Variants in GRM7 observed in about 807,000 individuals in gnomAD.
GRM7 encodes glutamate metabotropic receptor 7, also known as metabotropic glutamate receptor 7.
Under a neutral mutation model 84.5 loss-of-function variants are expected in GRM7, and 35 were observed. That is an observed-to-expected ratio of 0.41 (90% confidence interval 0.32 to 0.55). The LOEUF (loss-of-function observed/expected upper bound fraction) is 0.55, where lower values mean the gene tolerates loss of function less well. Among genes scored for constraint, GRM7 ranks in the 20% least tolerant of loss-of-function variants. GRM7 has a pLI of 0.19. For missense variants in GRM7, 1,003 were observed against 1,194.6 expected, an observed-to-expected ratio of 0.84 and a Z score of 2.36; for synonymous variants, 487 against 455.1, an observed-to-expected ratio of 1.07 and a Z score of -0.89.
At chr3:6,897,012 G>A (rs1696208030) in intron 1 of GRM7, among the ~76,000 whole-genome samples, 1 of 152,216 alleles carries the variant, frequency 6.6e-6, no homozygotes, top group Non-Finnish European at 1.5e-5. Flanking sequence ...TGAGTGTGGT[G>A]TATTTCTGTT....
chr3:7,221,804 ATTTTTTTT>A, intron 2 of GRM7, among the ~76,000 whole-genome samples: 1 of 97,362 alleles, frequency 1.0e-5, no homozygotes, highest in South Asian at 3.5e-4. Context: ...AATTTCTTGT[ATTTTTTTT>A]TTTTTTTTTT....
At chr3:7,452,337 A>G (rs1697805501) in intron 5 of GRM7, among the ~76,000 whole-genome samples, 1 of 152,122 alleles carries the variant, frequency 6.6e-6, no homozygotes, top group South Asian at 2.1e-4. Flanking sequence ...AGATCCTTTT[A>G]TTCTAAGGGA....
chr3:7,531,889 A>G (rs938264729), intron 7 of GRM7, among the ~76,000 whole-genome samples: 2 of 152,160 alleles, frequency 1.3e-5, no homozygotes, highest in Non-Finnish European at 2.9e-5. Flanking sequence ...GCTGATTTTC[A>G]AAGGGAACGC....
At chr3:6,878,662 A>G (rs1695402473) in intron 1 of GRM7, among the ~76,000 whole-genome samples, 1 of 152,314 alleles carries the variant, frequency 6.6e-6, no homozygotes, top group South Asian at 2.1e-4. Context: ...TCAAACATCA[A>G]TGTGCTGAAG....
intron 1 of GRM7, among the ~76,000 whole-genome samples, chr3:7,035,411 G>C (rs1696351005): frequency 6.6e-6 from 1 of 152,092 alleles, no homozygotes; most frequent in African/African-American, 2.4e-5. Context: ...GGGGAAAATA[G>C]AGAATAGAGA....
intron 1 of GRM7, among the ~76,000 whole-genome samples, chr3:6,890,877 G>C (rs1412754360): frequency 2.0e-5 from 3 of 152,140 alleles, no homozygotes; most frequent in African/African-American, 7.2e-5. Context: ...AAGTGTCTTT[G>C]TAGGTCACTC....
intron 7 of GRM7, among the ~76,000 whole-genome samples, chr3:7,521,003 TC>T (rs1700572431): frequency 6.6e-6 from 1 of 152,172 alleles, no homozygotes; most frequent in Non-Finnish European, 1.5e-5. Context: ...CAACTCAAAT[TC>T]TGAGCTGTAG....
At chr3:7,149,013 T>C (rs945292577) in intron 2 of GRM7, among the ~76,000 whole-genome samples, 15 of 152,120 alleles carry the variant, frequency 9.9e-5, no homozygotes, top group Non-Finnish European at 1.9e-4. Context: ...TTTATACATA[T>C]TATAGTATTT....
At chr3:7,084,969 G>A (rs1003891069) in intron 1 of GRM7, among the ~76,000 whole-genome samples, 12 of 152,152 alleles carry the variant, frequency 7.9e-5, no homozygotes, top group African/African-American at 2.7e-4. Flanking sequence ...AATGAGCCCA[G>A]AAATTAAAAA....
At chr3:7,040,950 G>T (rs1559401103) in intron 1 of GRM7, among the ~76,000 whole-genome samples, 1 of 151,844 alleles carries the variant, frequency 6.6e-6, no homozygotes, top group Non-Finnish European at 1.5e-5. Flanking sequence ...AGGTGTGGTG[G>T]TGTGCACCTG....
At chr3:7,009,089 C>T (rs1315810994) in intron 1 of GRM7, among the ~76,000 whole-genome samples, 1 of 152,106 alleles carries the variant, frequency 6.6e-6, no homozygotes, top group African/African-American at 2.4e-5. Flanking sequence ...TCACGGAGGC[C>T]TTTCTTTATC....
At chr3:7,096,007 TTGAAAC>T (rs1198575210) in intron 1 of GRM7, among the ~76,000 whole-genome samples, 14 of 152,214 alleles carry the variant, frequency 9.2e-5, no homozygotes, top group Non-Finnish European at 1.8e-4. Flanking sequence ...CTTTTATTGT[TTGAAAC>T]TAAAAATATT....
At chr3:6,893,179 G>A (rs1473153693) in intron 1 of GRM7, 1 of 152,038 alleles carries the variant, frequency 6.6e-6, no homozygotes, top group Admixed American at 6.6e-5. Flanking sequence ...CTCACAACTG[G>A]GTGGTAGAAC....
chr3:7,726,598 C>T (rs162795), intron 9 of GRM7, among the ~76,000 whole-genome samples: 22,254 of 90,194 alleles, frequency 0.25, 2,482 homozygotes, highest in African/African-American at 0.29. Flanking sequence ...TCATTTTCTC[C>T]GTCTCTCTCT....
At chr3:7,723,329 C>T (rs1391442222) in intron 9 of GRM7, among the ~76,000 whole-genome samples, 1 of 152,156 alleles carries the variant, frequency 6.6e-6, no homozygotes, top group African/African-American at 2.4e-5. Context: ...TCTAGTCTCT[C>T]CAGACTCAAC....
intron 4 of GRM7, among the ~76,000 whole-genome samples, chr3:7,397,687 T>C (rs976597534): frequency 1.3e-5 from 2 of 152,164 alleles, no homozygotes; most frequent in Non-Finnish European, 1.5e-5. Flanking sequence ...TCAACTATTA[T>C]GTACTCATAA....
At chr3:6,879,004 T>G (rs1306029250) in intron 1 of GRM7, among the ~76,000 whole-genome samples, 1 of 152,156 alleles carries the variant, frequency 6.6e-6, no homozygotes, top group Admixed American at 6.5e-5. Flanking sequence ...AAAGATGAGT[T>G]TACAGAGACC....
chr3:6,934,065 G>C (rs532730545), intron 1 of GRM7, among the ~76,000 whole-genome samples: 2 of 152,294 alleles, frequency 1.3e-5, no homozygotes, highest in African/African-American at 4.8e-5. Flanking sequence ...TGAGTATGGG[G>C]AGGTTCATTT....
At chr3:7,494,872 A>G (rs1699646251) in intron 7 of GRM7, among the ~76,000 whole-genome samples, 1 of 152,190 alleles carries the variant, frequency 6.6e-6, no homozygotes, top group Non-Finnish European at 1.5e-5. Flanking sequence ...TAATTGTTAA[A>G]TCATTTTTAT....
Sources: gnomAD v4.1 joint callset for allele counts (sites outside exome capture counted in the v4.1 genomes callset) on GRCh38, gnomAD v4.1.1 for gene constraint, MANE v1.5 for transcripts, NCBI Gene and HGNC (gene_info 2026-07-23, HGNC 2026-07-21) for gene names.